RIMS2: variants seen among roughly 807,000 people sequenced by gnomAD.
RIMS2 encodes regulating synaptic membrane exocytosis 2, also known as regulating synaptic membrane exocytosis protein 2.
RIMS2 carries 59 observed loss-of-function variants against 174.4 expected under a neutral mutation model. That is an observed-to-expected ratio of 0.34 (90% confidence interval 0.27 to 0.42). The LOEUF (loss-of-function observed/expected upper bound fraction) is 0.42. Among genes scored for constraint, RIMS2 ranks in the 10% least tolerant of loss-of-function variants. The pLI is 1.00. For synonymous variants in RIMS2, 606 were observed against 572.5 expected (o/e 1.06, Z -0.84); for missense variants, 1,620 against 1,666.3 (o/e 0.97, Z 0.48).
chr8:104,021,245 A>G (rs1321239855), intron 19 of RIMS2, among the ~76,000 whole-genome samples: 1 of 152,118 alleles, frequency 6.6e-6, no homozygotes, highest in African/African-American at 2.4e-5. Flanking sequence ...CGAAGTATTA[A>G]TTATTCTTTA....
At chr8:104,064,256 A>C (rs912694403) in intron 19 of RIMS2, among the ~76,000 whole-genome samples, 1 of 152,234 alleles carries the variant, frequency 6.6e-6, no homozygotes, top group African/African-American at 2.4e-5. Context: ...ATAGCTACAG[A>C]ATATGTGATA....
chr8:103,963,008 A>G (rs994354968), intron 15 of RIMS2, among the ~76,000 whole-genome samples: 2 of 152,116 alleles, frequency 1.3e-5, no homozygotes, highest in Non-Finnish European at 2.9e-5. Context: ...TGCTGTAGGA[A>G]TTACATTTAC....
At chr8:103,792,611 C>G (rs144381872) in intron 3 of RIMS2, among the ~76,000 whole-genome samples, 1,738 of 135,666 alleles carry the variant, frequency 0.013, 21 homozygotes, top group South Asian at 0.057. Context: ...AAAAACCCTT[C>G]AAAAAATCAG....
At chr8:103,885,358 A>T in exon 4 of RIMS2, 1 of 1,611,910 alleles carries the variant, frequency 6.2e-7, no homozygotes, top group East Asian at 2.2e-5. Context: ...GGGAAGAAAG[A>T]GAGGAATATT....
chr8:103,595,014 A>T (rs553826141), intron 1 of RIMS2, among the ~76,000 whole-genome samples: 2 of 151,896 alleles, frequency 1.3e-5, no homozygotes, highest in East Asian at 3.9e-4. Context: ...TTGTGCTAAG[A>T]TTATGTTCTG....
chr8:104,119,487 T>G (rs1211669606), intron 19 of RIMS2, among the ~76,000 whole-genome samples: 1 of 152,198 alleles, frequency 6.6e-6, no homozygotes, highest in Non-Finnish European at 1.5e-5. Context: ...GCCCATAAGA[T>G]TGAAGAGTAA....
intron 1 of RIMS2, among the ~76,000 whole-genome samples, chr8:103,589,136 T>C (rs1336301514): frequency 2.6e-5 from 4 of 151,576 alleles, no homozygotes; most frequent in Non-Finnish European, 5.9e-5. Context: ...TATCACATAA[T>C]CTTATATTTG....
rs111949577 is a variant in RIMS2, at chr8:103,999,504, C to T, written c.3044+10083C>T. ...TTTACTGTTGCTATATGTTGCATTC[C>T]GACTATTTTTTACTTTCAGTAATTA... On this transcript the variant is annotated intron_variant, in intron 17 of 23. Coordinates refer to ENST00000504942, the Ensembl canonical transcript of RIMS2. Among the ~76,000 whole-genome samples, 21 of 151,138 alleles carry T rather than the reference C, an allele frequency of 1.4e-4. 2 individuals carry two copies. Among genetic ancestry groups the T allele is most frequent in the African/African-American group, 4.1e-4 (17 of 41,308 alleles).
chr8:103,936,648 C>T (rs556481632), exon 13 of RIMS2: 52 of 1,611,824 alleles, frequency 3.2e-5, no homozygotes, highest in South Asian at 2.3e-4. Context: ...AAGAGAATTT[C>T]GGGAACGAAT....
chr8:103,628,749 C>A (rs1589323560), intron 1 of RIMS2, among the ~76,000 whole-genome samples: 1 of 106,650 alleles, frequency 9.4e-6, no homozygotes. Flanking sequence ...TCAACAGACC[C>A]ATATTAAAAA....
chr8:104,161,331 A>G (rs2134727249), intron 19 of RIMS2, among the ~76,000 whole-genome samples: 1 of 152,296 alleles, frequency 6.6e-6, no homozygotes, highest in East Asian at 1.9e-4. Context: ...GACATGGGAA[A>G]TATTAGACTC....
chr8:103,984,065 T>C (rs2094152136), intron 16 of RIMS2, among the ~76,000 whole-genome samples: 1 of 151,720 alleles, frequency 6.6e-6, no homozygotes, highest in South Asian at 2.1e-4. Context: ...TCCCAGCTAC[T>C]CGGAAGGCTG....
chr8:103,994,441 T>C (rs2154551123), intron 17 of RIMS2, among the ~76,000 whole-genome samples: 1 of 152,324 alleles, frequency 6.6e-6, no homozygotes, highest in East Asian at 1.9e-4. Context: ...AGTGATTTAC[T>C]GCTCAGATTG....
chr8:104,162,592 GC>G (rs1220124442), intron 19 of RIMS2, among the ~76,000 whole-genome samples: 2 of 151,970 alleles, frequency 1.3e-5, no homozygotes. Flanking sequence ...TTTATAATTA[GC>G]TTTTTTCATA....
chr8:103,611,547 G>A (rs998711380), intron 1 of RIMS2, among the ~76,000 whole-genome samples: 1 of 121,246 alleles, frequency 8.2e-6, no homozygotes, highest in African/African-American at 3.1e-5. Context: ...TTTTTTTTTT[G>A]TCAGATGTAG....
chr8:103,919,314 A>C (rs928038729), intron 9 of RIMS2, among the ~76,000 whole-genome samples: 1 of 152,312 alleles, frequency 6.6e-6, no homozygotes, highest in East Asian at 1.9e-4. Context: ...AGGTGCATTT[A>C]AGGAAATTCA....
exon 4 of RIMS2, chr8:103,885,432 C>A (rs17854256): frequency 1.2e-6 from 2 of 1,612,072 alleles, no homozygotes; most frequent in South Asian, 2.2e-5. Context: ...GATAGGCGAT[C>A]TCAACATGAA....
At chr8:103,851,644 TACACACAC>T (rs10529078) in intron 3 of RIMS2, among the ~76,000 whole-genome samples, 10,922 of 136,508 alleles carry the variant, frequency 0.08, 537 homozygotes, top group African/African-American at 0.13. Flanking sequence ...GAATGCTATG[TACACACAC>T]ACACACACAC....
intron 19 of RIMS2, among the ~76,000 whole-genome samples, chr8:104,074,662 A>AT (rs2097257763): frequency 6.6e-6 from 1 of 152,170 alleles, no homozygotes; most frequent in Non-Finnish European, 1.5e-5. Context: ...GAGGAAAAAA[A>AT]TTTATGAATC....
Sources: gnomAD v4.1 joint callset for allele counts (sites outside exome capture counted in the v4.1 genomes callset) on GRCh38, gnomAD v4.1.1 for gene constraint, MANE v1.5 for transcripts, NCBI Gene and HGNC (gene_info 2026-07-23, HGNC 2026-07-21) for gene names.